GSPT1: variants seen among roughly 807,000 people sequenced by gnomAD.
GSPT1 encodes the protein G1 to S phase transition 1.
In GSPT1, 20 loss-of-function variants were observed where a neutral mutation model predicts 72.5. The ratio of observed to expected loss-of-function variants is 0.28; its 90% CI spans 0.19 to 0.40. GSPT1 has a LOEUF of 0.40. GSPT1 is among the 10% of genes least tolerant of loss of function. The probability of loss-of-function intolerance (pLI) is 1.00; values close to 1 mark genes in which losing one functional copy is unlikely to be tolerated. For synonymous variants in GSPT1, 334 were observed against 293.5 expected, an observed-to-expected ratio of 1.14 and a Z score of -1.41; for missense variants, 580 against 811.9, an observed-to-expected ratio of 0.71 and a Z score of 3.47.
chr16:11,895,207 G>C (rs2054318928), intron 4 of GSPT1: 1 of 403,580 alleles, frequency 2.5e-6, no homozygotes. Flanking sequence ...AGCGAGGGCG[G>C]ATGACCTCAG....
intron 6 of GSPT1, among the ~76,000 whole-genome samples, chr16:11,888,487 T>A (rs911171980): frequency 7.2e-6 from 1 of 139,022 alleles, no homozygotes; most frequent in Non-Finnish European, 1.5e-5. Flanking sequence ...AAGGGCTAGG[T>A]GCAGTGGCTC....
chr16:11,875,134 A>G (rs1315280257), intron 14 of GSPT1, among the ~76,000 whole-genome samples: 1 of 152,092 alleles, frequency 6.6e-6, no homozygotes, highest in East Asian at 1.9e-4. Flanking sequence ...GCTTGCAGTG[A>G]GCCAAGATGG....
rs1430284961 is a variant in GSPT1 at position 11,869,676 on chromosome 16, C to T, written c.*3443G>A. 6.6e-6 allele frequency: 1 copy of T among 152,230 alleles called. No individual in the cohort carries two copies. The highest frequency in any genetic ancestry group is 1.5e-5 in the Non-Finnish European group (1 of 68,056). 9.4% of individuals were successfully genotyped at this position (152,230 alleles called of 1,614,324 possible). ...TCCCTACCCAAAGCAATGAAGCTAT[C>T]ATCCATGAAGTAGCAGTCCATGAGG... On this transcript the variant is annotated 3_prime_UTR_variant, in exon 15 of 15. Transcript: ENST00000434724.
intron 11 of GSPT1, among the ~76,000 whole-genome samples, chr16:11,880,434 C>G (rs546306431): frequency 7.2e-5 from 11 of 152,302 alleles, no homozygotes; most frequent in African/African-American, 2.6e-4. Context: ...ACATGACCAA[C>G]AGTGCACAAG....
At chr16:11,897,712 T>C in intron 3 of GSPT1, 128 bp downstream of exon 3, 1 of 641,014 alleles carries the variant, frequency 1.6e-6, no homozygotes, top group Non-Finnish European at 2.9e-6. Flanking sequence ...TTCTAAATAC[T>C]AATAGCAAAG....
intron 14 of GSPT1, among the ~76,000 whole-genome samples, chr16:11,875,184 A>G (rs766751224): frequency 1.3e-5 from 2 of 151,788 alleles, no homozygotes; most frequent in African/African-American, 2.4e-5. Flanking sequence ...TCGAGACTCC[A>G]TCTCAAAAAA....
At chr16:11,889,850 G>C (rs1391003874) in intron 6 of GSPT1, among the ~76,000 whole-genome samples, 1 of 152,022 alleles carries the variant, frequency 6.6e-6, no homozygotes, top group Non-Finnish European at 1.5e-5. Flanking sequence ...ATATTGGCCA[G>C]GGTGGTCTCG....
rs774406094 is a variant in GSPT1 at position 11,877,078 on chromosome 16, T to C, written c.1602+329A>G. Among the ~76,000 whole-genome samples the C allele has an allele frequency of 2.6e-5, 4 of 152,218 alleles. No individual in the cohort carries two copies. Among genetic ancestry groups the C allele is most frequent in the Non-Finnish European group, 5.9e-5 (4 of 68,042 alleles). On this transcript the variant is annotated intron_variant, in intron 12 of 14. Coordinates refer to ENST00000434724, the MANE Select transcript of GSPT1 (RefSeq NM_002094.4). The surrounding 1 kb of genome is among the most constrained non-coding windows in gnomAD (Gnocchi z 4.0). ...TGTCTGGAAAGCTATGTGCTGTCAATGAGCACATAAACCATGACTTCCACA... is the reference window on the plus strand; with the variant it reads ...TGTCTGGAAAGCTATGTGCTGTCAACGAGCACATAAACCATGACTTCCACA...
chr16:11,893,577 T>TC (rs1406756663), intron 5 of GSPT1, among the ~76,000 whole-genome samples: 1 of 152,186 alleles, frequency 6.6e-6, no homozygotes, highest in Non-Finnish European at 1.5e-5. Context: ...AATGCATACT[T>TC]CCTTGACTCA....
At chr16:11,908,756 T>A (rs2054520515) in intron 1 of GSPT1, 1 of 24,194 alleles carries the variant, frequency 4.1e-5, no homozygotes, top group Non-Finnish European at 5.6e-5. Flanking sequence ...CGAGACTCCG[T>A]CTCAAAAAAA....
At chr16:11,909,554 G>T (rs1251750432) in intron 1 of GSPT1, among the ~76,000 whole-genome samples, 1 of 152,164 alleles carries the variant, frequency 6.6e-6, no homozygotes, top group Non-Finnish European at 1.5e-5. Flanking sequence ...TGAACTCACT[G>T]CTGTTTAATA....
intron 10 of GSPT1, among the ~76,000 whole-genome samples, chr16:11,883,613 C>CT (rs1567438161): frequency 7.7e-6 from 1 of 130,024 alleles, no homozygotes; most frequent in African/African-American, 3.3e-5. Context: ...GAGCAAGACT[C>CT]TGTCTCAAAA....
At chr16:11,912,046 T>TAAAA (rs371293585) in intron 1 of GSPT1, among the ~76,000 whole-genome samples, 7 of 113,214 alleles carry the variant, frequency 6.2e-5, no homozygotes, top group African/African-American at 1.7e-4. Flanking sequence ...GTCAATCATT[T>TAAAA]AAAAAAAAAA....
At position 11,872,634 on chromosome 16, in the gene GSPT1, C is replaced by T. The variant is rs1236743401; in HGVS notation, c.*485G>A. On this transcript the variant is annotated 3_prime_UTR_variant, in exon 15 of 15. Coordinates refer to ENST00000434724, the MANE Select transcript of GSPT1 (RefSeq NM_002094.4). ...AAAGCTAATGCAACAATGTTACATC[C>T]AGATAAAAAACATTATTCAAAAGCA... 6.6e-6 allele frequency: 1 copy of T among 152,220 alleles called. No homozygotes were observed. The highest frequency in any genetic ancestry group is 1.5e-5 in the Non-Finnish European group (1 of 68,126). 9.4% of individuals were successfully genotyped at this position (152,220 alleles called of 1,614,324 possible).
At chr16:11,875,339 G>A (rs1348421822) in intron 14 of GSPT1, among the ~76,000 whole-genome samples, 1 of 152,158 alleles carries the variant, frequency 6.6e-6, no homozygotes, top group African/African-American at 2.4e-5. Context: ...AATGTTAGTT[G>A]TTCTGCGTCA....
rs1219577500 is a variant in GSPT1 at position 11,871,227 on chromosome 16, CAT to C, written c.*1890_*1891del. On this transcript the variant is annotated 3_prime_UTR_variant, in exon 15 of 15. Coordinates refer to ENST00000434724, the MANE Select transcript of GSPT1 (RefSeq NM_002094.4). ...TGTAGGACAATAACTTTGCTCTGTC[CAT>C]AAGATGTAGCCTCATTCAAGAAATG... 6.6e-6 allele frequency: 1 copy of C among 152,070 alleles called. No homozygotes were observed. The highest frequency in any genetic ancestry group is 1.9e-4 in the East Asian group (1 of 5,188). The allele number at this position is 152,070 out of a possible 1,614,324, so 9.4% of individuals were successfully genotyped here.
chr16:11,868,560 T>A lies in GSPT1; in HGVS notation c.*4559A>T, dbSNP rs191595232. 1.3e-5 allele frequency: 2 copies of A among 152,234 alleles called. No homozygotes were observed. The highest frequency in any genetic ancestry group is 3.9e-4 in the East Asian group (2 of 5,184). 9.4% of individuals were successfully genotyped at this position (152,234 alleles called of 1,614,324 possible). A position where few individuals can be genotyped will look rare whatever the true frequency, so the allele number is the denominator to read the frequency against. Reference sequence around the variant, plus strand: ...AGGCTTAGACCTCAGTTTCACCTAATGCATGTGGAGGAAATGGAGGTGAGA... The same window carrying A: ...AGGCTTAGACCTCAGTTTCACCTAAAGCATGTGGAGGAAATGGAGGTGAGA... On this transcript the variant is annotated 3_prime_UTR_variant, in exon 15 of 15. Transcript: ENST00000434724.
chr16:11,876,673 G>A (rs1029994971), intron 12 of GSPT1, among the ~76,000 whole-genome samples: 4 of 152,170 alleles, frequency 2.6e-5, no homozygotes, highest in South Asian at 4.1e-4. Flanking sequence ...AATCCCGGAG[G>A]TGGAGGTTGC....
intron 1 of GSPT1, among the ~76,000 whole-genome samples, chr16:11,899,077 A>T (rs1176743741): frequency 1.3e-5 from 2 of 152,178 alleles, no homozygotes; most frequent in African/African-American, 2.4e-5. Context: ...CCTAAATTAT[A>T]CTCCAATATG....
Sources: gnomAD v4.1 joint callset for allele counts (sites outside exome capture counted in the v4.1 genomes callset) on GRCh38, gnomAD v4.1.1 for gene constraint, Gnocchi (gnomAD v3.1) non-coding constraint, MANE v1.5 for transcripts, NCBI Gene and HGNC (gene_info 2026-07-23, HGNC 2026-07-21) for gene names.